Variants in AOAH observed in about 807,000 individuals in gnomAD.
The protein encoded by AOAH is acyloxyacyl hydrolase, also known as acyloxyacyl hydrolase (neutrophil).
AOAH carries 64 observed loss-of-function variants against 92.2 expected under a neutral mutation model. The ratio of observed to expected loss-of-function variants is 0.69; its 90% confidence interval spans 0.57 to 0.86. AOAH has a LOEUF of 0.86. AOAH is among the 40% of genes least tolerant of loss of function. AOAH has a pLI of 0.00. For missense variants in AOAH, 656 were observed against 694.6 expected (o/e 0.94, Z 0.62); for synonymous variants, 263 against 254.5 (o/e 1.03, Z -0.32).
intron 10 of AOAH, among the ~76,000 whole-genome samples, 158 bp from the exon 11 acceptor site, chr7:36,616,632 C>A (rs1043133680): frequency 6.6e-6 from 1 of 152,166 alleles, no homozygotes; most frequent in African/African-American, 2.4e-5. Context: ...GAGTGAGGGG[C>A]ATAGCATTTC....
In AOAH at chr7:36,717,749, C is replaced by T. The variant is rs144605608; in HGVS notation, c.127+6273G>A. On this transcript the variant is annotated intron_variant, in intron 1 of 20. Coordinates refer to ENST00000617537, the MANE Select transcript of AOAH (RefSeq NM_001637.4). ...CTTATTTTTTTTTTTTTTTGCTTAGCCTAGTTTAAGTTAATTCCTGTTACT... is the reference window on the plus strand; with the variant it reads ...CTTATTTTTTTTTTTTTTTGCTTAGTCTAGTTTAAGTTAATTCCTGTTACT... Among the ~76,000 whole-genome samples the T allele has an allele frequency of 3.6e-3, 199 of 54,748 alleles. 1 individual carries two copies. The highest frequency in any genetic ancestry group is 0.011 in the African/African-American group (180 of 16,604). The allele number at this position is 54,748 out of a possible 152,430, so 35.9% of individuals were successfully genotyped here. A position where few individuals can be genotyped will look rare whatever the true frequency, so the allele number is the denominator to read the frequency against.
chr7:36,690,411 G>C (rs1349532527), intron 1 of AOAH, among the ~76,000 whole-genome samples: 1 of 152,120 alleles, frequency 6.6e-6, no homozygotes, highest in Non-Finnish European at 1.5e-5. Context: ...TCTCCAGTGG[G>C]CTCACCTCCC....
intron 9 of AOAH, among the ~76,000 whole-genome samples, chr7:36,619,623 C>T (rs1187226918): frequency 2.6e-5 from 4 of 152,024 alleles, no homozygotes; most frequent in African/African-American, 7.3e-5. Flanking sequence ...GAGTGACTAG[C>T]GGATAGGGTA....
chr7:36,602,443 G>GTT (rs535476519), intron 11 of AOAH, among the ~76,000 whole-genome samples: 5 of 127,132 alleles, frequency 3.9e-5, no homozygotes, highest in African/African-American at 5.6e-5. Flanking sequence ...TCCTTCCATT[G>GTT]TTTTTTTTTT....
chr7:36,604,947 C>T (rs537630611), intron 11 of AOAH, among the ~76,000 whole-genome samples: 27 of 152,298 alleles, frequency 1.8e-4, no homozygotes, highest in African/African-American at 6.3e-4. Context: ...AGCTCTTTAG[C>T]GGTCAGGCTT....
intron 6 of AOAH, 69 bp from the exon 7 acceptor site, chr7:36,623,319 G>C: frequency 7.2e-7 from 1 of 1,396,394 alleles, no homozygotes. Context: ...AAAACAAATA[G>C]AGAGACATTT....
intron 1 of AOAH, among the ~76,000 whole-genome samples, chr7:36,715,833 A>G (rs561299477): frequency 3.3e-5 from 5 of 152,090 alleles, no homozygotes; most frequent in African/African-American, 1.2e-4. Flanking sequence ...TTCAAGATGG[A>G]TTAAAGACTT....
intron 12 of AOAH, among the ~76,000 whole-genome samples, chr7:36,590,309 T>C (rs1789655922): frequency 6.6e-6 from 1 of 152,100 alleles, no homozygotes; most frequent in Admixed American, 6.6e-5. Flanking sequence ...CACAGAGATT[T>C]TTTTTTTCTG....
intron 3 of AOAH, among the ~76,000 whole-genome samples, chr7:36,671,171 A>G (rs1795901098): frequency 6.6e-6 from 1 of 152,124 alleles, no homozygotes; most frequent in African/African-American, 2.4e-5. Context: ...ATACTTTTAA[A>G]AGGCTTTCTT....
intron 13 of AOAH, among the ~76,000 whole-genome samples, chr7:36,556,290 G>A (rs184151755): frequency 0.054 from 8,137 of 152,078 alleles, 259 homozygotes; most frequent in East Asian, 0.15. Flanking sequence ...GTAGTTGAGC[G>A]GTTTTGAGTG....
In AOAH at chr7:36,542,691, G is replaced by A. The variant is rs565244603; in HGVS notation, c.1134-2200C>T. The stretch of plus-strand genomic sequence containing the variant: ...CACCAATGTGCAAAAATGTACATAC[G>A]AATATTGTAATGTTGCTTGGTATAG... On this transcript the variant is annotated intron_variant, in intron 15 of 20. Coordinates refer to ENST00000617537, the MANE Select transcript of AOAH (RefSeq NM_001637.4). Among the ~76,000 whole-genome samples the A allele has an allele frequency of 1.4e-4, 21 of 152,268 alleles. No homozygotes were observed. In the South Asian group the frequency reaches 3.7e-3, roughly 27 times the overall value.
chr7:36,662,556 G>T (rs751241430), intron 3 of AOAH, among the ~76,000 whole-genome samples: 12 of 152,324 alleles, frequency 7.9e-5, no homozygotes, highest in Admixed American at 2.6e-4. Flanking sequence ...TTTAGCTGAT[G>T]ACTGCTGTCT....
At chr7:36,557,194 T>G (rs1786803174) in intron 13 of AOAH, among the ~76,000 whole-genome samples, 1 of 152,224 alleles carries the variant, frequency 6.6e-6, no homozygotes, top group Non-Finnish European at 1.5e-5. Flanking sequence ...TGACAAAATC[T>G]CTCAGCATTT....
At chr7:36,663,126 AAG>A in intron 3 of AOAH, among the ~76,000 whole-genome samples, 1 of 152,328 alleles carries the variant, frequency 6.6e-6, no homozygotes, top group East Asian at 1.9e-4. Flanking sequence ...AAATAAAGCC[AAG>A]AGAGTCACAT....
rs1344482631 is a variant in AOAH, at chr7:36,634,137, GAC to G, written c.451-2033_451-2032del. On this transcript the variant is annotated intron_variant, in intron 5 of 20. Transcript: ENST00000617537. ...GTAGCTGACTAAGATCAGGATTGTG[GAC>G]ACACTGCAAAACAAGCATCAGCATA... Among the ~76,000 whole-genome samples, 9 of 152,108 alleles carry G rather than the reference GAC, an allele frequency of 5.9e-5. 1 individual carries two copies. The highest frequency in any genetic ancestry group is 5.9e-4 in the Admixed American group (9 of 15,276).
chr7:36,720,750 A>C (rs1799571600), intron 1 of AOAH, among the ~76,000 whole-genome samples: 1 of 152,204 alleles, frequency 6.6e-6, no homozygotes, highest in South Asian at 2.1e-4. Context: ...GAATTTCCTG[A>C]AGACAGACAT....
intron 13 of AOAH, among the ~76,000 whole-genome samples, chr7:36,555,570 C>G (rs967057849): frequency 6.6e-6 from 1 of 151,968 alleles, no homozygotes; most frequent in African/African-American, 2.4e-5. Flanking sequence ...GTACCAGTTC[C>G]TCCTTGTACC....
Position 36,724,084 on chromosome 7 carries a change from G to A in AOAH, c.65C>T (p.Ser22Leu), listed in dbSNP as rs755435529. 81 of 1,613,612 alleles carry A rather than the reference G, an allele frequency of 5.0e-5. No homozygotes were observed. Among genetic ancestry groups the A allele is most frequent in the Non-Finnish European group, 6.4e-5 (75 of 1,179,774 alleles). ...CTGGTCATCGTTGGCTGGAGAGGCC[G>A]AGGACTGAAGAGACAGGAGCAAGAA... ...PLFLLLSLQS[S>L]ASPANDDQSR... Residue 22 changes from serine to leucine, a missense_variant, in exon 1 of 21, where the codon TCG becomes TTG. Transcript: ENST00000617537.
At chr7:36,563,017 G>A (rs1009014305) in intron 13 of AOAH, among the ~76,000 whole-genome samples, 3 of 151,520 alleles carry the variant, frequency 2.0e-5, no homozygotes, top group Admixed American at 2.0e-4. Flanking sequence ...CGTGGTGGCA[G>A]GCGCCTGTAA....
Sources: gnomAD v4.1 joint callset for allele counts (sites outside exome capture counted in the v4.1 genomes callset) on GRCh38, gnomAD v4.1.1 for gene constraint, MANE v1.5 for transcripts, NCBI Gene and HGNC (gene_info 2026-07-23, HGNC 2026-07-21) for gene names.